AP3S2: variants seen among roughly 807,000 people sequenced by gnomAD.
AP3S2 encodes adaptor related protein complex 3 subunit sigma 2, also known as AP-3 complex subunit sigma-2.
In AP3S2, 22 loss-of-function variants were observed where a neutral mutation model predicts 23.4. That is an observed-to-expected ratio of 0.94 (90% CI 0.67 to 1.34). The LOEUF (loss-of-function observed/expected upper bound fraction) is 1.34, where lower values mean the gene tolerates loss of function less well. AP3S2 is among the 40% of genes most tolerant of loss of function. The probability of loss-of-function intolerance (pLI) is 0.00; values close to 1 mark genes in which losing one functional copy is unlikely to be tolerated. For missense variants in AP3S2, 241 were observed against 236.9 expected (o/e 1.02, Z -0.11); for synonymous variants, 86 against 87.1 (o/e 0.99, Z 0.07).
chr15:89,873,591 T>G (rs1161683056), intron 3 of AP3S2, among the ~76,000 whole-genome samples: 1 of 152,176 alleles, frequency 6.6e-6, no homozygotes, highest in East Asian at 1.9e-4. Flanking sequence ...GGCCTCTGTC[T>G]TATTTTCTCA....
At chr15:89,866,618 T>C (rs1296741208) in intron 4 of AP3S2, among the ~76,000 whole-genome samples, 1 of 151,896 alleles carries the variant, frequency 6.6e-6, no homozygotes, top group Admixed American at 6.6e-5. Flanking sequence ...CCTGAGTAGC[T>C]GGAATTATAG....
chr15:89,858,475 GAAAGAAAGAAAGAAAGAA>G (rs1350193021), intron 4 of AP3S2, among the ~76,000 whole-genome samples: 134 of 28,904 alleles, frequency 4.6e-3, no homozygotes, highest in East Asian at 0.014. Context: ...AAGAAAGAAA[GAAAGAAAGAAAGAAAGAA>G]AGAGAGAGAG....
intron 4 of AP3S2, among the ~76,000 whole-genome samples, chr15:89,842,338 G>C (rs1895349071): frequency 6.6e-6 from 1 of 152,186 alleles, no homozygotes; most frequent in Non-Finnish European, 1.5e-5. Context: ...TGTTCATAAA[G>C]ATAGAATCTA....
Position 89,893,954 on chromosome 15 carries a change from G to A in AP3S2, c.-5C>T, listed in dbSNP as rs1223842824. The stretch of plus-strand genomic sequence containing the variant: ...AACCAGAATCGCCTGAATCATCTTT[G>A]CCAGCCACGGTTCTCTCAGCACCGG... On this transcript the variant is annotated 5_prime_UTR_variant, in exon 1 of 6. Coordinates refer to ENST00000336418, the MANE Select transcript of AP3S2 (RefSeq NM_005829.5). The A allele has an allele frequency of 1.3e-6, 2 of 1,551,310 alleles. No homozygotes were observed. The highest frequency in any genetic ancestry group is 2.4e-5 in the South Asian group (2 of 84,054).
intron 1 of AP3S2, among the ~76,000 whole-genome samples, chr15:89,892,302 G>A (rs1278694027): frequency 1.3e-5 from 2 of 152,154 alleles, no homozygotes; most frequent in East Asian, 1.9e-4. Flanking sequence ...TGATGAAAAT[G>A]ATCTAAAATT....
intron 3 of AP3S2, among the ~76,000 whole-genome samples, chr15:89,885,146 C>T (rs1297456600): frequency 6.6e-6 from 1 of 151,380 alleles, no homozygotes; most frequent in South Asian, 2.1e-4. Flanking sequence ...TTATTTCATC[C>T]TAATATTATT....
intron 3 of AP3S2, among the ~76,000 whole-genome samples, chr15:89,880,216 T>A (rs1426174018): frequency 6.6e-6 from 1 of 151,928 alleles, no homozygotes; most frequent in African/African-American, 2.4e-5. Context: ...AAGAGGGAAA[T>A]GCTAACTGTT....
intron 3 of AP3S2, among the ~76,000 whole-genome samples, chr15:89,884,242 T>C (rs1896640811): frequency 6.6e-6 from 1 of 152,206 alleles, no homozygotes; most frequent in Non-Finnish European, 1.5e-5. Context: ...ATTATATTAG[T>C]TTTTCTTACT....
rs200603343 is a variant in AP3S2, at chr15:89,887,520, T to TG, written c.273+1000dup. Among the ~76,000 whole-genome samples, 1,290 of 151,654 alleles carry TG rather than the reference T, an allele frequency of 8.5e-3. 29 individuals carry two copies. The highest frequency in any genetic ancestry group is 0.03 in the African/African-American group (1,220 of 41,282). Reference sequence around the variant, plus strand: ...CCGAGTAGCTGGGATTACTGGCACGTGCCACTACGCCCGGCTAATTCTTGT... The same window carrying TG: ...CCGAGTAGCTGGGATTACTGGCACGTGGCCACTACGCCCGGCTAATTCTTGT... On this transcript the variant is annotated intron_variant, in intron 3 of 5. Transcript: ENST00000336418.
chr15:89,877,368 T>A, intron 3 of AP3S2: 1 of 1,294,544 alleles, frequency 7.7e-7, no homozygotes, highest in South Asian at 1.2e-5. Flanking sequence ...CCCAAAGAGC[T>A]AGTGTTCCAG....
In AP3S2 at chr15:89,839,004, C is replaced by A. The variant is rs190289957; in HGVS notation, c.346-1282G>T. 2.0e-5 allele frequency among the ~76,000 whole-genome samples: 3 copies of A among 152,252 alleles called. No individual in the cohort carries two copies. The East Asian group carries it at 5.8e-4, about 29-fold the overall frequency. ...TAGTGACATCTGGGACCAGATAATC[C>A]TCTGCTGTGGGGCTGTCCTGTCACT... On this transcript the variant is annotated intron_variant, in intron 4 of 5. Transcript: ENST00000336418.
At chr15:89,852,091 G>C (rs955381167) in intron 4 of AP3S2, among the ~76,000 whole-genome samples, 3 of 151,762 alleles carry the variant, frequency 2.0e-5, no homozygotes, top group African/African-American at 7.3e-5. Context: ...TCAGAGTCCA[G>C]GATCTGAATG....
In AP3S2 at chr15:89,889,052, C is replaced by A; in HGVS notation, c.158G>T (p.Gly53Val). The change falls in exon 2 of 6, where the codon GGA (glycine) becomes GTA (valine). Residue 53 changes from glycine (G) to valine (V), a missense_variant. Transcript: ENST00000336418. ...AAAAATGAAGCTGACAGTTTACCTT[C>A]CACCCTCCAAGAAGTTACAGATGTT... The part of the protein sequence containing the change: ...DDNICNFLEG[G>V]SLIGGSDYKL... 1 of 1,614,176 alleles carries A rather than the reference C, an allele frequency of 6.2e-7. No homozygotes were observed.
chr15:89,889,421 G>A, intron 1 of AP3S2: 3 of 331,422 alleles, frequency 9.1e-6, no homozygotes, highest in Non-Finnish European at 1.7e-5. Context: ...AACAAGAAAA[G>A]GAACATTGAT....
rs1052315414 is a variant in AP3S2, at chr15:89,835,626, G to C, written c.471C>G (p.Ala157=). The stretch of plus-strand genomic sequence containing the variant: ...TCACAGCAGACACAGCCCGCGCAGG[G>C]GCTGCTGAAAGGCCACCCTAAGAAG... ...LEKSEGGLSA[A]PARAVSAVKN... Residue 157 remains alanine (A), a synonymous_variant, in exon 6 of 6, where the codon GCC becomes GCG. Transcript: ENST00000336418. The C allele has an allele frequency of 6.8e-6, 11 of 1,613,170 alleles. No homozygotes were observed. The highest frequency in any genetic ancestry group is 9.3e-6 in the Non-Finnish European group (11 of 1,179,862).
chr15:89,849,765 G>C (rs1398732228), intron 4 of AP3S2, among the ~76,000 whole-genome samples: 1 of 152,064 alleles, frequency 6.6e-6, no homozygotes, highest in African/African-American at 2.4e-5. Context: ...TGCCATGGTG[G>C]TTTGTTGCAC....
chr15:89,861,401 A>G (rs922743279), intron 4 of AP3S2, among the ~76,000 whole-genome samples: 1 of 152,196 alleles, frequency 6.6e-6, no homozygotes, highest in African/African-American at 2.4e-5. Flanking sequence ...TGAATTCTAA[A>G]TCCAGCTTTG....
At chr15:89,857,916 G>T (rs1426560555) in intron 4 of AP3S2, among the ~76,000 whole-genome samples, 36 of 152,136 alleles carry the variant, frequency 2.4e-4, no homozygotes, top group Admixed American at 2.4e-3. Flanking sequence ...CACTTCAAGA[G>T]CCGGAACACA....
At chr15:89,844,286 TCTTTCTTTA>T (rs1359140887) in intron 4 of AP3S2, among the ~76,000 whole-genome samples, 2 of 64,078 alleles carry the variant, frequency 3.1e-5, no homozygotes, top group East Asian at 2.8e-4. Context: ...TCTCTCTCTT[TCTTTCTTTA>T]CTTTTTTCTT....
Sources: allele counts gnomAD v4.1 joint callset (sites outside exome capture counted in the v4.1 genomes callset), GRCh38; gene constraint gnomAD v4.1.1; transcripts MANE v1.5; gene names NCBI Gene and HGNC (gene_info 2026-07-23, HGNC 2026-07-21).